The following NRXN1 variants were observed in gnomAD, a reference collection of about 807,000 sequenced individuals.
NRXN1 encodes neurexin-1.
Under a neutral mutation model 150.9 loss-of-function variants are expected in NRXN1, and 39 were observed. The ratio of observed to expected loss-of-function variants is 0.26; its 90% CI spans 0.20 to 0.34. The LOEUF (loss-of-function observed/expected upper bound fraction) is 0.34. Among genes scored for constraint, NRXN1 ranks in the 10% least tolerant of loss-of-function variants. NRXN1 has a pLI of 1.00. For synonymous variants in NRXN1, 924 were observed against 757.0 expected (o/e 1.22, Z -3.62); for missense variants, 1,815 against 1,949.9 (o/e 0.93, Z 1.30).
At position 50,981,837 on chromosome 2, in the gene NRXN1, G is replaced by GTGTA. The variant is rs1431454015; in HGVS notation, c.772+45664_772+45665insTACA. Among the ~76,000 whole-genome samples, 8 of 116,058 alleles carry GTGTA rather than the reference G, an allele frequency of 6.9e-5. No homozygotes were observed. The South Asian group carries it at 2.3e-3, about 33-fold the overall frequency. 76.1% of individuals were successfully genotyped at this position (116,058 alleles called of 152,430 possible). ...ATAAACAATGTGTGTGTGTGTGTGT[G>GTGTA]TGTGTATGTGTGTGTGTGTGTGTGT... On this transcript the variant is annotated intron_variant, in intron 2 of 22. Coordinates refer to ENST00000401669, the MANE Select transcript of NRXN1 (RefSeq NM_001330078.2).
chr2:50,067,167 G>A (rs1415804804), intron 19 of NRXN1, among the ~76,000 whole-genome samples: 1 of 152,172 alleles, frequency 6.6e-6, no homozygotes, highest in Admixed American at 6.5e-5. Context: ...GCTGCAGGCT[G>A]TCTACTGCAG....
At chr2:50,893,085 G>A (rs1224789819) in intron 5 of NRXN1, among the ~76,000 whole-genome samples, 4 of 152,082 alleles carry the variant, frequency 2.6e-5, no homozygotes, top group African/African-American at 9.7e-5. Context: ...GATCTGTACT[G>A]TGGCTTGAGG....
intron 2 of NRXN1, chr2:51,026,568 T>A: frequency 1.3e-6 from 1 of 741,262 alleles, no homozygotes; most frequent in South Asian, 1.6e-5. Flanking sequence ...TGGCCTCCAC[T>A]ACCCAGATAA....
intron 21 of NRXN1, among the ~76,000 whole-genome samples, chr2:49,986,011 G>A (rs1680844006): frequency 1.3e-5 from 2 of 152,130 alleles, no homozygotes; most frequent in Non-Finnish European, 2.9e-5. Flanking sequence ...TGAAGAAAAT[G>A]CTTTATACTC....
chr2:50,554,160 A>ATATATG (rs898792480), intron 8 of NRXN1, among the ~76,000 whole-genome samples: 1 of 152,056 alleles, frequency 6.6e-6, no homozygotes, highest in Non-Finnish European at 1.5e-5. Context: ...GTACATATAT[A>ATATATG]TATATGTATA....
intron 18 of NRXN1, among the ~76,000 whole-genome samples, chr2:50,191,107 T>C (rs113232844): frequency 9.2e-5 from 14 of 151,732 alleles, no homozygotes; most frequent in African/African-American, 2.9e-4. Context: ...CAGCTCACTA[T>C]AACCTCCGCC....
intron 17 of NRXN1, among the ~76,000 whole-genome samples, chr2:50,281,617 C>A (rs1370449365): frequency 3.3e-5 from 5 of 152,016 alleles, no homozygotes; most frequent in African/African-American, 9.7e-5. Context: ...CTGGTCCCTG[C>A]ACTAAGGAAG....
chr2:50,365,452 A>G (rs2079519611), intron 17 of NRXN1, among the ~76,000 whole-genome samples: 1 of 152,102 alleles, frequency 6.6e-6, no homozygotes, highest in South Asian at 2.1e-4. Flanking sequence ...TTCACAGTTC[A>G]TTTGTAAAGG....
At chr2:50,520,745 T>C (rs1426017764) in intron 12 of NRXN1, among the ~76,000 whole-genome samples, 3 of 152,032 alleles carry the variant, frequency 2.0e-5, no homozygotes, top group Non-Finnish European at 4.4e-5. Context: ...ATTTATTTTA[T>C]GGGGTTTCTA....
intron 8 of NRXN1, among the ~76,000 whole-genome samples, chr2:50,611,394 T>C (rs887927246): frequency 7.2e-5 from 11 of 152,148 alleles, no homozygotes; most frequent in African/African-American, 1.9e-4. Flanking sequence ...GTGGGTCCCC[T>C]GGAAAGGAAA....
chr2:50,036,327 T>C (rs1690029777), intron 21 of NRXN1, among the ~76,000 whole-genome samples: 1 of 152,144 alleles, frequency 6.6e-6, no homozygotes, highest in Non-Finnish European at 1.5e-5. Context: ...CCCCTTTGCC[T>C]TTCACCATGA....
intron 17 of NRXN1, among the ~76,000 whole-genome samples, chr2:50,334,061 C>G (rs923330509): frequency 1.3e-5 from 2 of 151,664 alleles, no homozygotes; most frequent in African/African-American, 2.4e-5. Context: ...GTGTGTGTGT[C>G]TGGCCCTCAT....
intron 12 of NRXN1, among the ~76,000 whole-genome samples, chr2:50,510,305 G>A (rs962428687): frequency 2.6e-5 from 4 of 151,746 alleles, no homozygotes; most frequent in Non-Finnish European, 4.4e-5. Context: ...GGCCAACAGG[G>A]TGAAACCCTC....
intron 19 of NRXN1, 50 bp from the exon 20 acceptor site, chr2:50,055,094 G>C (rs1365835364): frequency 6.2e-6 from 8 of 1,286,070 alleles, no homozygotes; most frequent in Non-Finnish European, 7.5e-6. Flanking sequence ...TAAGGTCAAA[G>C]GTTAAAAGTT....
At chr2:51,022,032 G>A (rs1393819367) in intron 2 of NRXN1, among the ~76,000 whole-genome samples, 3 of 152,014 alleles carry the variant, frequency 2.0e-5, no homozygotes, top group Non-Finnish European at 2.9e-5. Context: ...ACAGAGGCTC[G>A]TTGTCTTTAT....
In NRXN1 at chr2:50,135,648, A is replaced by G. The variant is rs546579131; in HGVS notation, c.3547-44154T>C. On this transcript the variant is annotated intron_variant, in intron 18 of 22. Coordinates refer to ENST00000401669, the MANE Select transcript of NRXN1 (RefSeq NM_001330078.2). Reference sequence around the variant, plus strand: ...AGAGCTTGCAGTGAGCTGAGATTGCACCATTGCACTCCAGCCTGGGCGACA... The same window carrying G: ...AGAGCTTGCAGTGAGCTGAGATTGCGCCATTGCACTCCAGCCTGGGCGACA... Among the ~76,000 whole-genome samples the G allele has an allele frequency of 1.3e-5, 2 of 152,202 alleles. 1 individual carries two copies. The highest frequency in any genetic ancestry group is 4.8e-5 in the African/African-American group (2 of 41,530).
At chr2:50,929,216 G>A (rs897302261) in intron 2 of NRXN1, among the ~76,000 whole-genome samples, 1 of 152,044 alleles carries the variant, frequency 6.6e-6, no homozygotes, top group African/African-American at 2.4e-5. Flanking sequence ...ATACTCTTAA[G>A]TATACGGTTC....
intron 8 of NRXN1, among the ~76,000 whole-genome samples, chr2:50,557,924 G>C (rs1338378183): frequency 6.6e-6 from 1 of 152,182 alleles, no homozygotes; most frequent in Non-Finnish European, 1.5e-5. Flanking sequence ...TTACGTTGCA[G>C]TTGGATGTAC....
intron 2 of NRXN1, among the ~76,000 whole-genome samples, chr2:50,980,069 A>C (rs1696545370): frequency 6.6e-6 from 1 of 152,128 alleles, no homozygotes; most frequent in Admixed American, 6.6e-5. Context: ...TCGTTCTCTT[A>C]GTTTTGCTAT....
Sources: allele counts gnomAD v4.1 joint callset (sites outside exome capture counted in the v4.1 genomes callset), GRCh38; gene constraint gnomAD v4.1.1; transcripts MANE v1.5; gene names NCBI Gene and HGNC (gene_info 2026-07-23, HGNC 2026-07-21).